Variants in ASIC2 observed in about 807,000 individuals in gnomAD.
The protein encoded by ASIC2 is acid-sensing ion channel 2.
Under a neutral mutation model 57.3 loss-of-function variants are expected in ASIC2, and 25 were observed. The observed-to-expected ratio is 0.44, with a 90% CI of 0.32 to 0.61. The LOEUF (loss-of-function observed/expected upper bound fraction) is 0.61. ASIC2 is among the 20% of genes least tolerant of loss of function. The pLI is 0.06. For synonymous variants in ASIC2, 319 were observed against 307.5 expected, an observed-to-expected ratio of 1.04 and a Z score of -0.39; for missense variants, 641 against 738.1, an observed-to-expected ratio of 0.87 and a Z score of 1.52.
At chr17:33,776,563 C>T (rs55999125) in intron 1 of ASIC2, among the ~76,000 whole-genome samples, 12,273 of 152,242 alleles carry the variant, frequency 0.081, 569 homozygotes, top group East Asian at 0.22. Context: ...ACAACTGCTA[C>T]AGGGCTGCTG....
chr17:33,979,097 T>A (rs959152427), intron 1 of ASIC2, among the ~76,000 whole-genome samples: 11 of 151,964 alleles, frequency 7.2e-5, no homozygotes, highest in Admixed American at 6.5e-5. Flanking sequence ...CTTCCCCAAG[T>A]CTATGACTCA....
intron 1 of ASIC2, among the ~76,000 whole-genome samples, chr17:33,508,619 G>A (rs1007540511): frequency 1.3e-5 from 2 of 152,214 alleles, no homozygotes; most frequent in East Asian, 1.9e-4. Flanking sequence ...TTTGAGAAAG[G>A]CATTCCTGAG....
At chr17:33,210,745 A>T (rs1370131785) in intron 1 of ASIC2, among the ~76,000 whole-genome samples, 1 of 152,232 alleles carries the variant, frequency 6.6e-6, no homozygotes, top group Admixed American at 6.5e-5. Flanking sequence ...AACAAAGGGC[A>T]CACCCATCGT....
At position 33,674,914 on chromosome 17, in the gene ASIC2, T is replaced by C. The variant is rs751362370; in HGVS notation, c.555+481064A>G. Among the ~76,000 whole-genome samples the C allele has an allele frequency of 3.3e-5, 5 of 152,356 alleles. No homozygotes were observed. The East Asian group carries it at 5.8e-4, about 18-fold the overall frequency. On this transcript the variant is annotated intron_variant, in intron 1 of 9. Transcript: ENST00000359872. ...CCTTGGGTAACTCATTTCACTTTTC[T>C]GAGCCTCTTGTTTCTTTGTCTTAAA...
intron 6 of ASIC2, 118 bp from the exon 7 acceptor site, chr17:33,021,428 T>G (rs1481666619): frequency 1.2e-6 from 1 of 817,884 alleles, no homozygotes; most frequent in Non-Finnish European, 1.9e-6. Context: ...GTGAGGCAGC[T>G]TGCCCAAAGT....
intron 1 of ASIC2, among the ~76,000 whole-genome samples, chr17:33,571,217 A>T (rs1303891013): frequency 1.3e-5 from 2 of 149,972 alleles, no homozygotes; most frequent in African/African-American, 4.9e-5. Flanking sequence ...GATCATCTCG[A>T]CTCTCCTATA....
chr17:33,124,677 G>A lies in ASIC2; in HGVS notation c.709-12610C>T, dbSNP rs1036365843. On this transcript the variant is annotated intron_variant, in intron 1 of 9. Coordinates refer to ENST00000225823, the MANE Select transcript of ASIC2 (RefSeq NM_183377.2). ...TTGGCACCAGGGACTGGTTTCATGG[G>A]AGACAATTTTTACATGGACTGGGGA... Among the ~76,000 whole-genome samples, 65 of 152,200 alleles carry A rather than the reference G, an allele frequency of 4.3e-4. 1 individual carries two copies. Among genetic ancestry groups the A allele is most frequent in the Admixed American group, 1.1e-3 (17 of 15,286 alleles).
intron 1 of ASIC2, among the ~76,000 whole-genome samples, chr17:33,634,029 A>C (rs1906263786): frequency 6.6e-6 from 1 of 151,930 alleles, no homozygotes; most frequent in Non-Finnish European, 1.5e-5. Context: ...TATTCCCCAA[A>C]CCTGGTGGGT....
chr17:33,737,893 A>G (rs1429640512), intron 1 of ASIC2, among the ~76,000 whole-genome samples: 2 of 152,182 alleles, frequency 1.3e-5, no homozygotes, highest in African/African-American at 4.8e-5. Flanking sequence ...ATGGCAAATG[A>G]CCCCAACTCT....
Position 33,179,810 on chromosome 17 carries a change from C to T in ASIC2, c.709-67743G>A, listed in dbSNP as rs542219211. On this transcript the variant is annotated intron_variant, in intron 1 of 9. Coordinates refer to ENST00000225823, the MANE Select transcript of ASIC2 (RefSeq NM_183377.2). ...AGCTCCTCTGCTCAAATGGCCCTTT[C>T]GTTCTAACGTATCATTGTGGGTCAC... Among the ~76,000 whole-genome samples the T allele has an allele frequency of 3.9e-5, 6 of 152,338 alleles. No homozygotes were observed. The East Asian group carries it at 9.6e-4, about 24-fold the overall frequency.
chr17:33,271,240 T>C (rs1490258171), intron 1 of ASIC2, among the ~76,000 whole-genome samples: 1 of 152,114 alleles, frequency 6.6e-6, no homozygotes. Context: ...CCCTAAATGT[T>C]GGCGAATCCA....
At chr17:33,713,606 A>T (rs1466002984) in intron 1 of ASIC2, among the ~76,000 whole-genome samples, 1 of 152,222 alleles carries the variant, frequency 6.6e-6, no homozygotes, top group African/African-American at 2.4e-5. Context: ...GTATGATTTT[A>T]TCTTAACTTG....
At chr17:33,701,544 T>C (rs910659269) in intron 1 of ASIC2, among the ~76,000 whole-genome samples, 1 of 152,198 alleles carries the variant, frequency 6.6e-6, no homozygotes, top group Non-Finnish European at 1.5e-5. Flanking sequence ...TCTCCAGCAA[T>C]AGGCTGAATT....
At chr17:33,973,906 C>T (rs1351911566) in intron 1 of ASIC2, among the ~76,000 whole-genome samples, 1 of 152,128 alleles carries the variant, frequency 6.6e-6, no homozygotes, top group Non-Finnish European at 1.5e-5. Flanking sequence ...ACTCCCCTTA[C>T]CCCAGGAGAG....
chr17:33,874,812 G>C (rs1914510553), intron 1 of ASIC2, among the ~76,000 whole-genome samples: 1 of 152,188 alleles, frequency 6.6e-6, no homozygotes, highest in African/African-American at 2.4e-5. Flanking sequence ...TCTGGTGGGA[G>C]TCTCCTGTTG....
At chr17:33,682,934 G>A (rs1278206376) in intron 1 of ASIC2, among the ~76,000 whole-genome samples, 2 of 152,192 alleles carry the variant, frequency 1.3e-5, no homozygotes, top group African/African-American at 2.4e-5. Context: ...CCCATCCATT[G>A]CAAGAGATGT....
At chr17:33,026,407 T>C (rs1243448395) in intron 4 of ASIC2, among the ~76,000 whole-genome samples, 1 of 152,224 alleles carries the variant, frequency 6.6e-6, no homozygotes, top group East Asian at 1.9e-4. Context: ...GTGTCTGTTT[T>C]ACCCATGATA....
Position 34,154,594 on chromosome 17 carries a change from G to A in ASIC2, c.555+1384C>T, listed in dbSNP as rs141879754. On this transcript the variant is annotated intron_variant, in intron 1 of 9. Coordinates refer to the ASIC2 transcript ENST00000359872. ...TTACAGAGGCTACAGGCAGAGACTG[G>A]TTATGGCATTAAAAGAACCTCAGAT... is the stretch of plus-strand genomic sequence containing the variant. 2.0e-5 allele frequency among the ~76,000 whole-genome samples: 3 copies of A among 152,270 alleles called. No homozygotes were observed. The East Asian group carries it at 5.8e-4, about 29-fold the overall frequency.
At chr17:33,830,240 A>G (rs993138786) in intron 1 of ASIC2, among the ~76,000 whole-genome samples, 1 of 152,180 alleles carries the variant, frequency 6.6e-6, no homozygotes, top group Admixed American at 6.5e-5. Flanking sequence ...TCACCTCATC[A>G]GTAACTTGTA....
Sources: gnomAD v4.1 joint callset for allele counts (sites outside exome capture counted in the v4.1 genomes callset) on GRCh38, gnomAD v4.1.1 for gene constraint, MANE v1.5 for transcripts, NCBI Gene and HGNC (gene_info 2026-07-23, HGNC 2026-07-21) for gene names.